The following NBEAL1 variants were observed in gnomAD, a reference collection of about 807,000 sequenced individuals.
NBEAL1 encodes the protein neurobeachin-like protein 1.
A neutral mutation model predicts 351.3 loss-of-function variants in NBEAL1; 273 were observed. The ratio of observed to expected loss-of-function variants is 0.78; its 90% CI spans 0.70 to 0.86. The LOEUF (loss-of-function observed/expected upper bound fraction) is 0.86, where lower values mean the gene tolerates loss of function less well. Ranked by LOEUF, NBEAL1 falls within the 40% of genes least tolerant of loss-of-function variation. The pLI is 0.00. For missense variants in NBEAL1, 2,961 were observed against 3,201.3 expected (o/e 0.92, Z 1.81); for synonymous variants, 1,050 against 1,086.4 (o/e 0.97, Z 0.66).
intron 2 of NBEAL1, among the ~76,000 whole-genome samples, chr2:203,036,072 G>T (rs924466673): frequency 6.7e-6 from 1 of 149,134 alleles, no homozygotes; most frequent in Non-Finnish European, 1.5e-5. Flanking sequence ...AAGTAATTTG[G>T]CTCCAGCACT....
At position 203,167,266 on chromosome 2, in the gene NBEAL1, G is replaced by A. The variant is rs752595039; in HGVS notation, c.5903G>A (p.Arg1968Gln). Residue 1968 changes from arginine to glutamine, a missense_variant, in exon 38 of 56, where the codon CGA (arginine) becomes CAA (glutamine). Transcript: ENST00000683969. ...TTCAAGTGGCCTCATTCTCAAATTC[G>A]AGAGATTCATCTCCGGCGTTACAAT... ...FDFKWPHSQI[R>Q]EIHLRRYNLR... The A allele has an allele frequency of 2.5e-6, 4 of 1,611,114 alleles. No homozygotes were observed. The highest frequency in any genetic ancestry group is 1.7e-4 in the Middle Eastern group (1 of 6,050).
In NBEAL1 at chr2:203,218,046, T is replaced by A; in HGVS notation, c.*692T>A. On this transcript the variant is annotated 3_prime_UTR_variant, in exon 56 of 56. Transcript: ENST00000683969. The stretch of plus-strand genomic sequence containing the variant: ...TAATAATATAATTAAGCAAAAGTGC[T>A]AATTGTGATTTTGACAGTTGGGCCT... 1.5e-6 allele frequency: 1 copy of A among 663,764 alleles called. No individual in the cohort carries two copies. Among genetic ancestry groups the A allele is most frequent in the Non-Finnish European group, 1.9e-6 (1 of 536,440 alleles). 41.1% of individuals were successfully genotyped at this position (663,764 alleles called of 1,614,324 possible).
chr2:203,108,911 G>A (rs574630936), intron 14 of NBEAL1, among the ~76,000 whole-genome samples: 4 of 152,254 alleles, frequency 2.6e-5, no homozygotes, highest in African/African-American at 7.2e-5. Context: ...GCCAGGTGTG[G>A]TGGCACATAC....
At chr2:203,125,687 C>CA (rs1485214953) in intron 20 of NBEAL1, among the ~76,000 whole-genome samples, 167 bp downstream of exon 20, 1 of 152,052 alleles carries the variant, frequency 6.6e-6, no homozygotes, top group South Asian at 2.1e-4. Context: ...ATACTTTCAT[C>CA]AAAAAACGAC....
At chr2:203,021,745 G>A (rs1443808410) in intron 2 of NBEAL1, among the ~76,000 whole-genome samples, 1 of 151,996 alleles carries the variant, frequency 6.6e-6, no homozygotes, top group Non-Finnish European at 1.5e-5. Context: ...AGACTCATAT[G>A]TGTGTAGAAA....
At chr2:203,183,451 A>G in intron 44 of NBEAL1, 63 bp downstream of exon 44, 1 of 932,898 alleles carries the variant, frequency 1.1e-6, no homozygotes. Flanking sequence ...TTTCCAGAGG[A>G]TGGGATAATC....
intron 14 of NBEAL1, 101 bp from the exon 15 acceptor site, chr2:203,110,048 TG>T: frequency 8.9e-7 from 1 of 1,120,906 alleles, no homozygotes; most frequent in Non-Finnish European, 1.2e-6. Context: ...CACAGAATTG[TG>T]GGTAAAGATG....
chr2:203,153,279 C>A (rs2063710323), intron 35 of NBEAL1, among the ~76,000 whole-genome samples: 1 of 149,960 alleles, frequency 6.7e-6, no homozygotes, highest in African/African-American at 2.5e-5. Flanking sequence ...ACTACCAATG[C>A]ATACCACCAT....
intron 4 of NBEAL1, among the ~76,000 whole-genome samples, chr2:203,050,492 A>C (rs2061307674): frequency 6.6e-6 from 1 of 152,192 alleles, no homozygotes; most frequent in Non-Finnish European, 1.5e-5. Flanking sequence ...TTTCTTCAGC[A>C]AGAAATTACT....
chr2:203,202,850 T>C lies in NBEAL1; in HGVS notation c.7506+69T>C, dbSNP rs2065440011. On this transcript the variant is annotated intron_variant, in intron 51 of 55. Transcript: ENST00000683969. ...CCCTGAGAATACTAGCAAAATGTTC[T>C]ACTAGGACATCGAATTGTTTTCTGG... 2.4e-5 allele frequency: 20 copies of C among 842,736 alleles called. 1 individual carries two copies. In the South Asian group the frequency reaches 2.6e-4, roughly 11 times the overall value. The allele number at this position is 842,736 out of a possible 1,614,324, so 52.2% of individuals were successfully genotyped here.
In NBEAL1 at chr2:203,188,484, G is replaced by C. The variant is rs1451896121; in HGVS notation, c.6718G>C (p.Val2240Leu). Residue 2240 changes from valine (V) to leucine (L), a missense_variant, in exon 45 of 56, where the codon GTT becomes CTT. Transcript: ENST00000683969. Reference protein sequence around the residue: ...KHRKALESEYVSAHLHEWIDL... With the variant: ...KHRKALESEYLSAHLHEWIDL... ...ATTCTTTTTCTAGGAGTCTGAATAT[G>C]TTTCAGCTCATCTTCATGAATGGAT... The C allele has an allele frequency of 6.4e-7, 1 of 1,569,792 alleles. No homozygotes were observed. The highest frequency in any genetic ancestry group is 8.6e-7 in the Non-Finnish European group (1 of 1,158,792).
intron 10 of NBEAL1, among the ~76,000 whole-genome samples, chr2:203,086,639 A>G (rs2061966041): frequency 6.6e-6 from 1 of 152,088 alleles, no homozygotes. Flanking sequence ...GGTTCAAGCG[A>G]TTCTCCTGCC....
At chr2:203,127,252 T>TA (rs1358550447) in intron 23 of NBEAL1, among the ~76,000 whole-genome samples, 4 of 152,196 alleles carry the variant, frequency 2.6e-5, no homozygotes, top group Non-Finnish European at 5.9e-5. Context: ...GTAAAACACT[T>TA]AAAGTATGTC....
intron 50 of NBEAL1, among the ~76,000 whole-genome samples, chr2:203,202,197 C>T (rs1165252260): frequency 6.6e-6 from 1 of 152,094 alleles, no homozygotes; most frequent in African/African-American, 2.4e-5. Context: ...ATGGAGTCTG[C>T]TGCTAATTCT....
chr2:203,217,193 A>G (rs2065906123), intron 55 of NBEAL1, 60 bp from the exon 56 acceptor site: 1 of 1,270,916 alleles, frequency 7.9e-7, no homozygotes, highest in East Asian at 2.7e-5. Context: ...TGTCTTACAT[A>G]TCTTTTTTTT....
intron 10 of NBEAL1, among the ~76,000 whole-genome samples, chr2:203,087,259 A>G (rs916131331): frequency 1.3e-5 from 2 of 150,202 alleles, no homozygotes; most frequent in East Asian, 2.0e-4. Context: ...TGCCCGGCTA[A>G]TTTTCATATT....
At chr2:203,087,111 T>C (rs1277136772) in intron 10 of NBEAL1, among the ~76,000 whole-genome samples, 1 of 148,808 alleles carries the variant, frequency 6.7e-6, no homozygotes, top group Non-Finnish European at 1.5e-5. Context: ...TTTTTTTTTT[T>C]TGGAGACAGT....
chr2:203,148,944 C>G, intron 33 of NBEAL1, 47 bp from the exon 34 acceptor site: 1 of 1,477,080 alleles, frequency 6.8e-7, no homozygotes. Flanking sequence ...GTAAATATAC[C>G]TGTAAATATA....
intron 3 of NBEAL1, among the ~76,000 whole-genome samples, chr2:203,044,764 T>C (rs2061200275): frequency 6.6e-6 from 1 of 152,222 alleles, no homozygotes; most frequent in Non-Finnish European, 1.5e-5. Flanking sequence ...AAGGGACATA[T>C]GGCTAATCCT....
Sources: allele counts gnomAD v4.1 joint callset (sites outside exome capture counted in the v4.1 genomes callset), GRCh38; gene constraint gnomAD v4.1.1; transcripts MANE v1.5; gene names NCBI Gene and HGNC (gene_info 2026-07-23, HGNC 2026-07-21).